The following LRRK2 variants were observed in gnomAD, a reference collection of about 807,000 sequenced individuals.
LRRK2 encodes leucine rich repeat kinase 2.
In LRRK2, 203 loss-of-function variants were observed where a neutral mutation model predicts 302.6. The observed-to-expected ratio is 0.67, with a 90% CI of 0.60 to 0.75. LRRK2 has a LOEUF of 0.75. Ranked by LOEUF, LRRK2 falls within the 30% of genes least tolerant of loss-of-function variation. The pLI, the probability that LRRK2 is intolerant of heterozygous loss-of-function variation, is 0.00. For missense variants in LRRK2, 2,830 were observed against 2,951.0 expected, an observed-to-expected ratio of 0.96 and a Z score of 0.95; for synonymous variants, 1,066 against 1,031.9, an observed-to-expected ratio of 1.03 and a Z score of -0.63.
rs1268370491 is a variant in LRRK2 at position 40,315,284 on chromosome 12, G to A, written c.4811G>A (p.Cys1604Tyr). 1 of 1,612,444 alleles carries A rather than the reference G, an allele frequency of 6.2e-7. No homozygotes were observed. The highest frequency in any genetic ancestry group is 1.7e-5 in the Admixed American group (1 of 59,940). ...DLYFVEPKWL[C>Y]KIMAQILTVK... ...TACTTTGTGGAACCCAAGTGGCTTT[G>A]TAAAATCATGGCACAGGTTGGTGTC... Residue 1604 changes from cysteine (C) to tyrosine (Y), a missense_variant, in exon 33 of 51, where the codon TGT (cysteine) becomes TAT (tyrosine). Physicochemically the swap from Cys to Tyr is radical, Grantham distance 194. Transcript: ENST00000298910.
chr12:40,310,063 A>G (rs10784501), intron 30 of LRRK2, among the ~76,000 whole-genome samples: 86,073 of 151,896 alleles, frequency 0.57, 24,534 homozygotes, highest in South Asian at 0.69. Flanking sequence ...AAGAGAAAAT[A>G]TAAACTATAT....
At chr12:40,353,811 G>A (rs928709478) in intron 44 of LRRK2, among the ~76,000 whole-genome samples, 9 of 152,232 alleles carry the variant, frequency 5.9e-5, no homozygotes, top group East Asian at 3.9e-4. Flanking sequence ...GCGAAACCCC[G>A]TCTCCACCAA....
chr12:40,366,731 A>G (rs142615010), intron 49 of LRRK2: 2 of 361,006 alleles, frequency 5.5e-6, no homozygotes, highest in East Asian at 6.4e-5. Flanking sequence ...GGGAAGGGTA[A>G]TGTATAAATA....
chr12:40,231,310 T>C (rs1163157942), intron 2 of LRRK2, among the ~76,000 whole-genome samples: 1 of 147,360 alleles, frequency 6.8e-6, no homozygotes, highest in Non-Finnish European at 1.5e-5. Flanking sequence ...CCCAGCACTT[T>C]GAGAGGCCAA....
At chr12:40,272,100 T>C (rs1943253803) in intron 14 of LRRK2, among the ~76,000 whole-genome samples, 1 of 152,226 alleles carries the variant, frequency 6.6e-6, no homozygotes, top group South Asian at 2.1e-4. Context: ...TGCACACTCC[T>C]TGTTTGAAAA....
chr12:40,352,345 G>A (rs1261919921), intron 44 of LRRK2, among the ~76,000 whole-genome samples: 1 of 152,132 alleles, frequency 6.6e-6, no homozygotes, highest in Non-Finnish European at 1.5e-5. Flanking sequence ...GCTCCTAAAA[G>A]TGGATCAATA....
chr12:40,366,702 C>T (rs2137056924), intron 49 of LRRK2: 1 of 319,390 alleles, frequency 3.1e-6, no homozygotes, highest in Non-Finnish European at 5.9e-6. Flanking sequence ...CACATTACCT[C>T]GTTTAACATT....
At chr12:40,243,787 T>G in intron 7 of LRRK2, 106 bp downstream of exon 7, 1 of 1,081,308 alleles carries the variant, frequency 9.2e-7, no homozygotes, top group Non-Finnish European at 1.4e-6. Context: ...TGACATACTT[T>G]GAATGAAAAT....
chr12:40,265,162 G>T (rs17443607), intron 14 of LRRK2, among the ~76,000 whole-genome samples: 5,303 of 152,178 alleles, frequency 0.035, 112 homozygotes, highest in Non-Finnish European at 0.053. Context: ...AGTATGGCAA[G>T]AATTTATGTT....
chr12:40,355,977 ATACTC>A (rs569229222), intron 45 of LRRK2, 133 bp from the exon 46 acceptor site: 2 of 632,176 alleles, frequency 3.2e-6, no homozygotes, highest in South Asian at 1.9e-5. Context: ...TCTAAAGTAA[ATACTC>A]TAAGAAAAGG....
At position 40,237,200 on chromosome 12, in the gene LRRK2, G is replaced by A. The variant is rs188413869; in HGVS notation, c.437-769G>A. ...AAGGAAAGGAGCTGATGAGATACAT[G>A]TACTATAGTCGGTTGTGTGAAAGGT... is the stretch of plus-strand genomic sequence containing the variant. On this transcript the variant is annotated intron_variant, in intron 4 of 50. Coordinates refer to ENST00000298910, the MANE Select transcript of LRRK2 (RefSeq NM_198578.4). Among the ~76,000 whole-genome samples, 200 of 152,278 alleles carry A rather than the reference G, an allele frequency of 1.3e-3. 1 individual carries two copies. The highest frequency in any genetic ancestry group is 4.6e-3 in the African/African-American group (191 of 41,574).
In LRRK2 at chr12:40,251,214, T is replaced by G. The variant is rs1942255074; in HGVS notation, c.959-18T>G. On this transcript the variant is annotated intron_variant, in intron 8 of 50. Coordinates refer to ENST00000298910, the MANE Select transcript of LRRK2 (RefSeq NM_198578.4). ...TAATATATATAATGTTTTTATATAT[T>G]TTTCAATTTTTTTCAAGCTGAGACT... 6.8e-7 allele frequency: 1 copy of G among 1,460,178 alleles called. No individual in the cohort carries two copies. The allele number at this position is 1,460,178 out of a possible 1,614,324, so 90.5% of individuals were successfully genotyped here.
intron 2 of LRRK2, among the ~76,000 whole-genome samples, chr12:40,227,677 C>G (rs917478874): frequency 6.6e-6 from 1 of 151,604 alleles, no homozygotes; most frequent in Non-Finnish European, 1.5e-5. Context: ...GTATGTATAC[C>G]ACATTTTCTT....
At chr12:40,334,857 C>A in intron 39 of LRRK2, 110 bp from the exon 40 acceptor site, 1 of 1,211,592 alleles carries the variant, frequency 8.3e-7, no homozygotes, top group Non-Finnish European at 1.2e-6. Context: ...TTGCTATGAT[C>A]CAGTCATACA....
intron 10 of LRRK2, among the ~76,000 whole-genome samples, 193 bp from the exon 11 acceptor site, chr12:40,252,717 A>G (rs925491537): frequency 1.3e-5 from 2 of 152,162 alleles, no homozygotes; most frequent in African/African-American, 4.8e-5. Flanking sequence ...AAGCATAAAA[A>G]TACTAATTTG....
chr12:40,230,488 C>T (rs973370003), intron 2 of LRRK2, among the ~76,000 whole-genome samples: 3 of 152,136 alleles, frequency 2.0e-5, no homozygotes, highest in Admixed American at 6.6e-5. Flanking sequence ...CTCTCCTCAC[C>T]GCTCATCCGT....
chr12:40,301,944 C>T (rs945071821), intron 25 of LRRK2, among the ~76,000 whole-genome samples: 6 of 152,028 alleles, frequency 3.9e-5, no homozygotes, highest in African/African-American at 9.7e-5. Context: ...TTTGGGAGGC[C>T]GGGGCGGGCA....
rs201002117 is a variant in LRRK2 at position 40,224,997 on chromosome 12, G to A, written c.-135G>A. 14 of 1,164,850 alleles carry A rather than the reference G, an allele frequency of 1.2e-5. No individual in the cohort carries two copies. The highest frequency in any genetic ancestry group is 2.2e-5 in the Admixed American group (1 of 46,204). 72.2% of individuals were successfully genotyped at this position (1,164,850 alleles called of 1,614,324 possible). ...TAAACAGGCGGGCGTGGGCGCCGAT[G>A]GGGCCCGCGGGGAGCGCTGGCTGCG... is the stretch of plus-strand genomic sequence containing the variant. On this transcript the variant is annotated 5_prime_UTR_variant, in exon 1 of 51. Coordinates refer to ENST00000298910, the MANE Select transcript of LRRK2 (RefSeq NM_198578.4).
chr12:40,302,916 A>G, intron 26 of LRRK2, 34 bp downstream of exon 26: 1 of 1,344,600 alleles, frequency 7.4e-7, no homozygotes. Flanking sequence ...TTAAAAGCAC[A>G]TTAGCTGGAA....
Sources: gnomAD v4.1 joint callset for allele counts (sites outside exome capture counted in the v4.1 genomes callset) on GRCh38, gnomAD v4.1.1 for gene constraint, MANE v1.5 for transcripts, NCBI Gene and HGNC (gene_info 2026-07-23, HGNC 2026-07-21) for gene names.